Variants in SGCZ observed in about 807,000 individuals in gnomAD.
SGCZ encodes the protein sarcoglycan zeta.
SGCZ carries 40 observed loss-of-function variants against 41.3 expected under a neutral mutation model. The observed-to-expected ratio is 0.97, with a 90% confidence interval of 0.75 to 1.26. The LOEUF is 1.26. Among genes scored for constraint, SGCZ ranks in the 50% most tolerant of loss-of-function variants. The probability of loss-of-function intolerance (pLI) is 0.00; values close to 1 mark genes in which losing one functional copy is unlikely to be tolerated. For synonymous variants in SGCZ, 206 were observed against 137.5 expected (o/e 1.50, Z -3.49); for missense variants, 552 against 369.8 (o/e 1.49, Z -4.04).
chr8:15,218,128 T>G lies in SGCZ; in HGVS notation c.39+19457A>C, dbSNP rs114858527. Among the ~76,000 whole-genome samples, 1,132 of 152,284 alleles carry G rather than the reference T, an allele frequency of 7.4e-3. 13 individuals carry two copies. The highest frequency in any genetic ancestry group is 0.024 in the African/African-American group (1,008 of 41,570). ...TGTGATTTTCTATTCTATTAAATTTTTCTTTCTTTGTGGGTTGAGAGGAAA... is the reference window on the plus strand; with the variant it reads ...TGTGATTTTCTATTCTATTAAATTTGTCTTTCTTTGTGGGTTGAGAGGAAA... On this transcript the variant is annotated intron_variant, in intron 1 of 7. Transcript: ENST00000382080.
At chr8:14,108,080 AG>A in intron 6 of SGCZ, 82 bp downstream of exon 6, 1 of 1,097,366 alleles carries the variant, frequency 9.1e-7, no homozygotes, top group Admixed American at 1.9e-5. Flanking sequence ...ACATTTGTCT[AG>A]TTGTCTATTT....
intron 1 of SGCZ, among the ~76,000 whole-genome samples, chr8:15,043,682 C>T (rs1030514805): frequency 1.3e-5 from 2 of 151,886 alleles, no homozygotes; most frequent in Non-Finnish European, 2.9e-5. Flanking sequence ...ATTTCTTAAG[C>T]TTTTCATATA....
chr8:14,371,532 T>C (rs1292535293), intron 2 of SGCZ, among the ~76,000 whole-genome samples: 1 of 152,016 alleles, frequency 6.6e-6, no homozygotes, highest in South Asian at 2.1e-4. Context: ...AAAAAAAGTG[T>C]TTCTATATTT....
chr8:14,525,156 ATAGATAGATAGATAGAT>A (rs1270318941), intron 2 of SGCZ, among the ~76,000 whole-genome samples: 9 of 45,856 alleles, frequency 2.0e-4, no homozygotes, highest in African/African-American at 6.5e-4. Context: ...AGATAGATAG[ATAGATAGATAGATAGAT>A]AGATAGATAG....
chr8:14,352,182 GT>G (rs1803124031), intron 2 of SGCZ, among the ~76,000 whole-genome samples: 1 of 152,010 alleles, frequency 6.6e-6, no homozygotes, highest in Non-Finnish European at 1.5e-5. Context: ...ACAAAAACTT[GT>G]GTGAAGACTC....
At chr8:14,483,152 T>A (rs1801580283) in intron 2 of SGCZ, among the ~76,000 whole-genome samples, 1 of 152,172 alleles carries the variant, frequency 6.6e-6, no homozygotes, top group Non-Finnish European at 1.5e-5. Flanking sequence ...CAGGCTTCCC[T>A]CAATAGCCTG....
chr8:14,811,742 T>C (rs181227526), intron 1 of SGCZ, among the ~76,000 whole-genome samples: 1 of 151,878 alleles, frequency 6.6e-6, no homozygotes, highest in African/African-American at 2.4e-5. Context: ...CAGAAGCAAT[T>C]CCAGGTAACA....
rs193261239 is a variant in SGCZ at position 15,129,331 on chromosome 8, G to C, written c.39+108254C>G. 5.0e-4 allele frequency among the ~76,000 whole-genome samples: 76 copies of C among 152,208 alleles called. No individual in the cohort carries two copies. In the East Asian group the frequency reaches 0.013, roughly 26 times the overall value. On this transcript the variant is annotated intron_variant, in intron 1 of 7. Coordinates refer to ENST00000382080, the MANE Select transcript of SGCZ (RefSeq NM_139167.4). ...AATCTTTCTTTCAAAGCTTGCCACA[G>C]TTAACACTTAGAGTCTATGCACCAC... is the stretch of plus-strand genomic sequence containing the variant.
chr8:14,479,732 T>TTTTC (rs1801473560), intron 2 of SGCZ, among the ~76,000 whole-genome samples: 2 of 10,778 alleles, frequency 1.9e-4, no homozygotes, highest in African/African-American at 6.2e-4. Flanking sequence ...ATTCTACTTC[T>TTTTC]TTTTTTTTTT....
At chr8:15,019,527 G>C (rs1803173373) in intron 1 of SGCZ, among the ~76,000 whole-genome samples, 1 of 151,952 alleles carries the variant, frequency 6.6e-6, no homozygotes, top group African/African-American at 2.4e-5. Context: ...ATAAATCTAG[G>C]CAAAGATAGG....
intron 1 of SGCZ, among the ~76,000 whole-genome samples, chr8:14,780,565 T>A (rs1413771487): frequency 6.6e-6 from 1 of 151,982 alleles, no homozygotes; most frequent in Non-Finnish European, 1.5e-5. Flanking sequence ...TGGGAAGGAA[T>A]GAAAAAAATA....
intron 6 of SGCZ, among the ~76,000 whole-genome samples, chr8:14,104,621 GTTC>G (rs1177681278): frequency 6.6e-6 from 1 of 152,086 alleles, no homozygotes; most frequent in Non-Finnish European, 1.5e-5. Flanking sequence ...TTATCATTAT[GTTC>G]TTCTCATAGG....
chr8:14,669,419 A>G (rs756002657), intron 1 of SGCZ, among the ~76,000 whole-genome samples: 53 of 151,834 alleles, frequency 3.5e-4, no homozygotes, highest in Admixed American at 5.9e-4. Flanking sequence ...ATAGGGTTCC[A>G]TTACTTACTA....
chr8:14,318,076 C>A (rs1014383425), intron 3 of SGCZ, among the ~76,000 whole-genome samples: 1 of 151,594 alleles, frequency 6.6e-6, no homozygotes, highest in Non-Finnish European at 1.5e-5. Flanking sequence ...CTTGAGAATG[C>A]AGTGTATAAG....
intron 1 of SGCZ, among the ~76,000 whole-genome samples, chr8:14,797,171 T>A (rs1585268244): frequency 6.6e-6 from 1 of 152,066 alleles, no homozygotes; most frequent in East Asian, 1.9e-4. Context: ...GGGGACAGTT[T>A]GGAGGGCTCA....
chr8:14,166,141 T>G (rs1220631339), intron 4 of SGCZ, among the ~76,000 whole-genome samples: 2 of 152,154 alleles, frequency 1.3e-5, no homozygotes, highest in African/African-American at 2.4e-5. Flanking sequence ...CTATGCTAAG[T>G]AAGATTAAAA....
At position 14,684,699 on chromosome 8, in the gene SGCZ, T is replaced by G. The variant is rs76155277; in HGVS notation, c.40-129773A>C. 7.6e-3 allele frequency among the ~76,000 whole-genome samples: 350 copies of G among 45,984 alleles called. 3 individuals carry two copies. Among genetic ancestry groups the G allele is most frequent in the East Asian group, 8.0e-3 (11 of 1,372 alleles). 30.2% of individuals were successfully genotyped at this position (45,984 alleles called of 152,430 possible). On this transcript the variant is annotated intron_variant, in intron 1 of 7. Coordinates refer to ENST00000382080, the MANE Select transcript of SGCZ (RefSeq NM_139167.4). ...TCGACACCTTTGTTTTTCCTTTTTT[T>G]GTTTTTTTTTGGTTTTTGGTAAAAC...
chr8:14,191,568 A>G (rs140052969), intron 4 of SGCZ, among the ~76,000 whole-genome samples: 25 of 152,274 alleles, frequency 1.6e-4, no homozygotes, highest in Non-Finnish European at 2.9e-4. Flanking sequence ...GAAATGTACA[A>G]AACACCTCAA....
intron 4 of SGCZ, among the ~76,000 whole-genome samples, chr8:14,229,448 G>T (rs940508773): frequency 6.6e-6 from 1 of 151,502 alleles, no homozygotes; most frequent in South Asian, 2.1e-4. Flanking sequence ...TTCCTCAAAT[G>T]GATTAATTAA....
Sources: gnomAD v4.1 joint callset for allele counts (sites outside exome capture counted in the v4.1 genomes callset) on GRCh38, gnomAD v4.1.1 for gene constraint, MANE v1.5 for transcripts, NCBI Gene and HGNC (gene_info 2026-07-23, HGNC 2026-07-21) for gene names.